The following RNF17 variants were observed in gnomAD, a reference collection of about 807,000 sequenced individuals.
RNF17 encodes ring finger protein 17.
A neutral mutation model predicts 200.5 loss-of-function variants in RNF17; 31 were observed. The ratio of observed to expected loss-of-function variants is 0.15; its 90% confidence interval spans 0.12 to 0.21. The LOEUF is 0.21. RNF17 is among the 10% of genes least tolerant of loss of function. RNF17 has a pLI of 1.00. For synonymous variants in RNF17, 606 were observed against 637.8 expected (o/e 0.95, Z 0.75); for missense variants, 1,628 against 1,905.1 (o/e 0.85, Z 2.71).
chr13:24,840,523 A>G (rs987377249), intron 18 of RNF17, among the ~76,000 whole-genome samples: 2 of 94,912 alleles, frequency 2.1e-5, no homozygotes, highest in South Asian at 9.1e-4. Context: ...ATTTATACAT[A>G]TATATATGTG....
chr13:24,864,066 G>GA (rs1321991342), intron 28 of RNF17, among the ~76,000 whole-genome samples: 1 of 152,186 alleles, frequency 6.6e-6, no homozygotes, highest in East Asian at 1.9e-4. Context: ...GAGAGAGGCT[G>GA]ATAGGAATGG....
intron 34 of RNF17, among the ~76,000 whole-genome samples, chr13:24,878,207 G>C (rs1895064434): frequency 6.6e-6 from 1 of 152,202 alleles, no homozygotes; most frequent in Non-Finnish European, 1.5e-5. Context: ...TAATCAGTCA[G>C]CATGGTTCCT....
At chr13:24,881,916 A>C (rs867580888), downstream of RNF17, among the ~76,000 whole-genome samples, 422 of 62,292 alleles carry the variant, frequency 6.8e-3, 20 homozygotes, top group East Asian at 0.02. Context: ...ATATAGATAC[A>C]TCTATATAGA....
intron 2 of RNF17, among the ~76,000 whole-genome samples, chr13:24,768,020 T>C (rs1178917148): frequency 1.3e-5 from 2 of 152,078 alleles, no homozygotes; most frequent in Non-Finnish European, 2.9e-5. Flanking sequence ...GCAACCACAT[T>C]TTGAACTCCC....
chr13:24,879,306 A>C lies in RNF17; in HGVS notation c.*10+11A>C. ...AATAAGTGCCTAAGTGTAAGTTCTC[A>C]TTCTCTTCATAGCATAAGGCATGGG... On this transcript the variant is annotated intron_variant, in intron 35 of 35. Coordinates refer to ENST00000255324, the MANE Select transcript of RNF17 (RefSeq NM_031277.3). 1 of 1,490,538 alleles carries C rather than the reference A, an allele frequency of 6.7e-7. No individual in the cohort carries two copies. Among genetic ancestry groups the C allele is most frequent in the African/African-American group, 1.4e-5 (1 of 72,436 alleles). 92.3% of individuals were successfully genotyped at this position (1,490,538 alleles called of 1,614,324 possible).
At chr13:24,792,634 G>A (rs1884015382) in intron 9 of RNF17, among the ~76,000 whole-genome samples, 1 of 152,108 alleles carries the variant, frequency 6.6e-6, no homozygotes, top group Non-Finnish European at 1.5e-5. Flanking sequence ...ATTTTACTTA[G>A]TTAAATGTAT....
At chr13:24,772,610 T>A (rs1454593343) in intron 2 of RNF17, among the ~76,000 whole-genome samples, 1 of 143,428 alleles carries the variant, frequency 7.0e-6, no homozygotes, top group Non-Finnish European at 1.5e-5. Context: ...CAGACACTTC[T>A]TTTTTTTTTT....
intron 9 of RNF17, among the ~76,000 whole-genome samples, chr13:24,791,231 A>G (rs1006308002): frequency 2.6e-5 from 4 of 152,168 alleles, no homozygotes; most frequent in Non-Finnish European, 5.9e-5. Context: ...AGACTCAGCA[A>G]CTCATGAGAA....
intron 13 of RNF17, among the ~76,000 whole-genome samples, chr13:24,801,216 C>T (rs1885210598): frequency 6.6e-6 from 1 of 152,154 alleles, no homozygotes; most frequent in African/African-American, 2.4e-5. Flanking sequence ...CACATTTTTA[C>T]ACTGAGTAGA....
chr13:24,857,953 A>G (rs1892690961), intron 25 of RNF17, among the ~76,000 whole-genome samples: 1 of 152,210 alleles, frequency 6.6e-6, no homozygotes, highest in Non-Finnish European at 1.5e-5. Context: ...GAGAAAAGAA[A>G]TCACAACAAA....
chr13:24,800,377 C>G lies in RNF17; in HGVS notation c.1601C>G (p.Thr534Ser), dbSNP rs201005896. Residue 534 changes from threonine (T) to serine (S), a missense_variant, in exon 13 of 36, where the codon ACC (threonine) becomes AGC (serine). This residue lies in a region of RNF17 where 289 missense variants were observed against 384.9 expected (regional missense o/e 0.75). Coordinates refer to ENST00000255324, the MANE Select transcript of RNF17 (RefSeq NM_031277.3). Reference sequence around the variant, plus strand: ...TGAATTTCTCCTAGAGTTGTTGATACCCATGTGAGACCAGAACACTCTGCT... The same window carrying G: ...TGAATTTCTCCTAGAGTTGTTGATAGCCATGTGAGACCAGAACACTCTGCT... ...EVLIVTGVVD[T>S]HVRPEHSAKQ... The G allele has an allele frequency of 3.8e-6, 6 of 1,588,248 alleles. No homozygotes were observed. Among genetic ancestry groups the G allele is most frequent in the Non-Finnish European group, 4.3e-6 (5 of 1,163,858 alleles).
At position 24,843,975 on chromosome 13, in the gene RNF17, TAA is replaced by T; in HGVS notation, c.2831+5_2831+6del. 1.2e-6 allele frequency: 1 copy of T among 848,942 alleles called. No individual in the cohort carries two copies. Among genetic ancestry groups the T allele is most frequent in the Non-Finnish European group, 1.7e-6 (1 of 577,408 alleles). 52.6% of individuals were successfully genotyped at this position (848,942 alleles called of 1,614,324 possible). On this transcript the variant is annotated splice_donor_5th_base_variant and intron_variant, in intron 20 of 35. Transcript: ENST00000255324. ...TAACTGAAAACTTACTTAATAGGTATAATATATATATATAATATATAAGGAAA... is the reference window on the plus strand; with the variant it reads ...TAACTGAAAACTTACTTAATAGGTATTATATATATATAATATATAAGGAAA...
chr13:24,853,935 C>G lies in RNF17; in HGVS notation c.3401C>G (p.Thr1134Ser). The change falls in exon 25 of 36, where the codon ACT becomes AGT. Residue 1134 changes from threonine (T) to serine (S), a missense_variant. This residue lies in a region of RNF17 where 609 missense variants were observed against 681.9 expected (regional missense o/e 0.89). Coordinates refer to ENST00000255324, the MANE Select transcript of RNF17 (RefSeq NM_031277.3). ...CTGGAACAGGAAGATTCAGTAGTTACTAACTGTATTAAAACTAACTTTGAC... is the reference window on the plus strand; with the variant it reads ...CTGGAACAGGAAGATTCAGTAGTTAGTAACTGTATTAAAACTAACTTTGAC... ...VPLEQEDSVVTNCIKTNFDPD... is the reference protein window; with the variant it reads ...VPLEQEDSVVSNCIKTNFDPD... The G allele has an allele frequency of 6.2e-7, 1 of 1,613,644 alleles. No individual in the cohort carries two copies. Among genetic ancestry groups the G allele is most frequent in the Non-Finnish European group, 8.5e-7 (1 of 1,179,584 alleles).
chr13:24,886,196 C>A, the RNF17 span: 1 of 682,206 alleles, frequency 1.5e-6, no homozygotes, highest in Non-Finnish European at 2.3e-6. Context: ...CCAGTATTTT[C>A]ATCCTATGTG....
chr13:24,811,423 G>C (rs981307157), intron 15 of RNF17, among the ~76,000 whole-genome samples: 1 of 152,042 alleles, frequency 6.6e-6, no homozygotes, highest in African/African-American at 2.4e-5. Flanking sequence ...CTTTCTTCCA[G>C]TTGATCGCAT....
intron 31 of RNF17, among the ~76,000 whole-genome samples, chr13:24,869,934 ATTTTTTT>A (rs34196797): frequency 9.6e-5 from 8 of 83,754 alleles, no homozygotes; most frequent in South Asian, 4.2e-4. Context: ...TGCCCAGCTA[ATTTTTTT>A]TTTTTTTTTT....
chr13:24,885,591 A>G, the RNF17 span: 1 of 1,583,904 alleles, frequency 6.3e-7, no homozygotes, highest in Non-Finnish European at 8.7e-7. Context: ...AGAATATATA[A>G]AAACAGAGAT....
At chr13:24,836,430 C>T (rs564472458) in intron 18 of RNF17, among the ~76,000 whole-genome samples, 4 of 152,164 alleles carry the variant, frequency 2.6e-5, no homozygotes, top group Middle Eastern at 3.4e-3. Flanking sequence ...AAAGTTAAGA[C>T]GAAAGGATCT....
chr13:24,869,892 C>T (rs1198759607), intron 31 of RNF17, among the ~76,000 whole-genome samples: 2 of 151,488 alleles, frequency 1.3e-5, no homozygotes, highest in Admixed American at 6.6e-5. Context: ...CTCAGGCTCC[C>T]GAGCAGCTGG....
Sources: gnomAD v4.1 joint callset for allele counts (sites outside exome capture counted in the v4.1 genomes callset) on GRCh38, gnomAD v4.1.1 for gene constraint, gnomAD v4.1.1 regional missense constraint, MANE v1.5 for transcripts, NCBI Gene and HGNC (gene_info 2026-07-23, HGNC 2026-07-21) for gene names.